FAF1: variants seen among roughly 807,000 people sequenced by gnomAD.
FAF1 encodes the protein Fas associated factor 1.
Under a neutral mutation model 92.5 loss-of-function variants are expected in FAF1, and 25 were observed. The observed-to-expected ratio is 0.27, with a 90% CI of 0.20 to 0.38. The LOEUF is 0.38. Ranked by LOEUF, FAF1 falls within the 10% of genes least tolerant of loss-of-function variation. The pLI, the probability that FAF1 is intolerant of heterozygous loss-of-function variation, is 1.00. For synonymous variants in FAF1, 234 were observed against 273.2 expected, an observed-to-expected ratio of 0.86 and a Z score of 1.42; for missense variants, 636 against 793.3, an observed-to-expected ratio of 0.80 and a Z score of 2.38.
At chr1:50,851,186 T>C (rs536443741) in intron 2 of FAF1, among the ~76,000 whole-genome samples, 1 of 151,916 alleles carries the variant, frequency 6.6e-6, no homozygotes, top group African/African-American at 2.4e-5. Context: ...GTTCAAGTGA[T>C]CCTCCTATCT....
intron 9 of FAF1, among the ~76,000 whole-genome samples, chr1:50,593,209 C>T (rs768401050): frequency 2.0e-5 from 3 of 152,166 alleles, no homozygotes; most frequent in Admixed American, 6.5e-5. Flanking sequence ...CTCCCAATCC[C>T]ACACTACCAT....
At chr1:50,768,176 CA>C (rs1188887940) in intron 4 of FAF1, among the ~76,000 whole-genome samples, 1 of 152,008 alleles carries the variant, frequency 6.6e-6, no homozygotes. Context: ...CACCTTAAAC[CA>C]AAAAGATTAA....
At chr1:50,467,049 C>T (rs1177593237) in intron 18 of FAF1, among the ~76,000 whole-genome samples, 2 of 152,126 alleles carry the variant, frequency 1.3e-5, no homozygotes, top group African/African-American at 4.8e-5. Context: ...ATTCTTTGGA[C>T]CCACTGCATG....
intron 8 of FAF1, among the ~76,000 whole-genome samples, chr1:50,644,203 A>G (rs1431372171): frequency 6.6e-6 from 1 of 152,178 alleles, no homozygotes; most frequent in Non-Finnish European, 1.5e-5. Context: ...AGCTTTTAAA[A>G]AGTCCTGGAG....
chr1:50,647,461 A>G (rs980635917), intron 8 of FAF1, among the ~76,000 whole-genome samples: 1 of 152,164 alleles, frequency 6.6e-6, no homozygotes, highest in Non-Finnish European at 1.5e-5. Flanking sequence ...TGAATCTGCT[A>G]TGATTCTGGA....
At chr1:50,752,427 C>A (rs1659904838) in intron 4 of FAF1, among the ~76,000 whole-genome samples, 1 of 152,118 alleles carries the variant, frequency 6.6e-6, no homozygotes, top group South Asian at 2.1e-4. Flanking sequence ...TAAGTTTGTT[C>A]TTAATATCAC....
At chr1:50,589,586 C>G (rs985310062) in intron 9 of FAF1, among the ~76,000 whole-genome samples, 1 of 152,190 alleles carries the variant, frequency 6.6e-6, no homozygotes, top group Admixed American at 6.5e-5. Context: ...GATCCCATAT[C>G]AGATGTATGA....
At chr1:50,739,095 A>G in intron 5 of FAF1, 141 bp from the exon 6 acceptor site, 1 of 577,390 alleles carries the variant, frequency 1.7e-6, no homozygotes, top group East Asian at 2.9e-5. Context: ...AATGCAAAAG[A>G]ACTACTGAAT....
intron 7 of FAF1, among the ~76,000 whole-genome samples, chr1:50,679,044 G>A (rs1399088175): frequency 6.6e-6 from 1 of 152,128 alleles, no homozygotes; most frequent in Non-Finnish European, 1.5e-5. Context: ...CCGAGATGGT[G>A]CCACTGCACT....
intron 1 of FAF1, among the ~76,000 whole-genome samples, chr1:50,957,245 A>G (rs1197111348): frequency 1.3e-5 from 2 of 151,930 alleles, no homozygotes; most frequent in Admixed American, 6.6e-5. Flanking sequence ...TGCAGATGCC[A>G]TTCTATTTTT....
chr1:50,831,752 T>C (rs1401300168), intron 2 of FAF1, among the ~76,000 whole-genome samples: 1 of 140,030 alleles, frequency 7.1e-6, no homozygotes, highest in Non-Finnish European at 1.5e-5. Flanking sequence ...TGGGATTACA[T>C]AATGTTGGAT....
At chr1:50,463,556 G>A (rs180789493) in intron 18 of FAF1, among the ~76,000 whole-genome samples, 115 of 152,308 alleles carry the variant, frequency 7.6e-4, no homozygotes, top group African/African-American at 2.5e-3. Context: ...TGTGGTGCTG[G>A]AAATAGCACT....
intron 15 of FAF1, among the ~76,000 whole-genome samples, chr1:50,496,325 A>T (rs1048539911): frequency 6.6e-6 from 1 of 152,232 alleles, no homozygotes; most frequent in African/African-American, 2.4e-5. Flanking sequence ...ATACAGACCA[A>T]GATAACCTGA....
chr1:50,775,953 C>G (rs1397121071), intron 4 of FAF1, among the ~76,000 whole-genome samples: 1 of 152,026 alleles, frequency 6.6e-6, no homozygotes, highest in Non-Finnish European at 1.5e-5. Flanking sequence ...TGCCATAATA[C>G]TCATAAGGCA....
chr1:50,577,994 G>T (rs1168288859), intron 12 of FAF1, among the ~76,000 whole-genome samples: 1 of 152,200 alleles, frequency 6.6e-6, no homozygotes, highest in African/African-American at 2.4e-5. Context: ...CATTAAGATG[G>T]ATTGAATGTG....
chr1:50,889,378 G>C (rs1488544407), intron 1 of FAF1, among the ~76,000 whole-genome samples: 2 of 152,018 alleles, frequency 1.3e-5, no homozygotes, highest in African/African-American at 2.4e-5. Context: ...GTTCTGCTCT[G>C]ATCTTAGTTA....
At position 50,492,288 on chromosome 1, in the gene FAF1, G is replaced by C. The variant is rs138805532; in HGVS notation, c.1495-487C>G. Among the ~76,000 whole-genome samples the C allele has an allele frequency of 4.1e-4, 62 of 152,290 alleles. No individual in the cohort carries two copies. The East Asian group carries it at 0.011, about 26-fold the overall frequency. On this transcript the variant is annotated intron_variant, in intron 15 of 18. Transcript: ENST00000396153. ...AGACTAGGAAGTAATCCCTGGGTCAGTGTAGAAAGAGGCCAAAAGCAAAAT... is the reference window on the plus strand; with the variant it reads ...AGACTAGGAAGTAATCCCTGGGTCACTGTAGAAAGAGGCCAAAAGCAAAAT...
intron 1 of FAF1, among the ~76,000 whole-genome samples, chr1:50,869,571 C>G (rs1322881221): frequency 6.6e-6 from 1 of 152,116 alleles, no homozygotes; most frequent in African/African-American, 2.4e-5. Context: ...TCTGCTCTTT[C>G]AGAGCTCCTA....
At chr1:50,470,295 G>A (rs1572765029) in intron 18 of FAF1, among the ~76,000 whole-genome samples, 1 of 152,052 alleles carries the variant, frequency 6.6e-6, no homozygotes, top group African/African-American at 2.4e-5. Context: ...GTTTTTAAAA[G>A]GACTCAATAA....
Sources: allele counts gnomAD v4.1 joint callset (sites outside exome capture counted in the v4.1 genomes callset), GRCh38; gene constraint gnomAD v4.1.1; transcripts MANE v1.5; gene names NCBI Gene and HGNC (gene_info 2026-07-23, HGNC 2026-07-21).